The following OR2L13 variants were observed in gnomAD, a reference collection of about 807,000 sequenced individuals.
The protein encoded by OR2L13 is olfactory receptor 2L13.
A neutral mutation model predicts 15.3 loss-of-function variants in OR2L13; 14 were observed. The ratio of observed to expected loss-of-function variants is 0.91; its 90% CI spans 0.60 to 1.43. The LOEUF (loss-of-function observed/expected upper bound fraction) is 1.43, where lower values mean the gene tolerates loss of function less well. OR2L13 is among the 40% of genes most tolerant of loss of function. The pLI is 0.00. For missense variants in OR2L13, 367 were observed against 387.9 expected, an observed-to-expected ratio of 0.95 and a Z score of 0.45; for synonymous variants, 152 against 142.9, an observed-to-expected ratio of 1.06 and a Z score of -0.45.
At chr1:247,948,900 G>C in the OR2L13 span, 1 of 1,612,898 alleles carries the variant, frequency 6.2e-7, no homozygotes, top group Non-Finnish European at 8.5e-7. Context: ...CATCTTATTG[G>C]GGCTGTTTCC....
chr1:247,992,186 G>T, the OR2L13 span, among the ~76,000 whole-genome samples: 14 of 142,026 alleles, frequency 9.9e-5, 1 homozygote, highest in Non-Finnish European at 1.8e-4. Flanking sequence ...TAAATAAGTA[G>T]TAAATATGTT....
At chr1:248,061,377 G>C in the OR2L13 span, 1 of 1,614,068 alleles carries the variant, frequency 6.2e-7, no homozygotes, top group Non-Finnish European at 8.5e-7. Context: ...CTGCAGAAGG[G>C]AGGAAGAAAG....
At chr1:248,027,481 G>A in the OR2L13 span, among the ~76,000 whole-genome samples, 1 of 152,042 alleles carries the variant, frequency 6.6e-6, no homozygotes, top group Non-Finnish European at 1.5e-5. Flanking sequence ...TTTGAAAATC[G>A]CTAATAAAAA....
At chr1:248,069,348 C>A in the OR2L13 span, among the ~76,000 whole-genome samples, 4 of 152,086 alleles carry the variant, frequency 2.6e-5, no homozygotes, top group Non-Finnish European at 5.9e-5. Context: ...GAATTTTCCA[C>A]CCAGAATTTC....
At chr1:248,052,167 T>G in the OR2L13 span, among the ~76,000 whole-genome samples, 3 of 152,220 alleles carry the variant, frequency 2.0e-5, no homozygotes, top group African/African-American at 7.2e-5. Context: ...ATCTCTTGCA[T>G]TTAGGATTTT....
the OR2L13 span, among the ~76,000 whole-genome samples, chr1:247,947,651 A>G: frequency 2.0e-5 from 3 of 152,222 alleles, no homozygotes; most frequent in Non-Finnish European, 2.9e-5. Flanking sequence ...TCTGTAACAT[A>G]TTTGGTAAGG....
At chr1:247,958,338 T>G in the OR2L13 span, among the ~76,000 whole-genome samples, 1 of 152,224 alleles carries the variant, frequency 6.6e-6, no homozygotes, top group South Asian at 2.1e-4. Context: ...CTTTTAGATT[T>G]GCTGAGGAGT....
chr1:247,991,239 G>A, the OR2L13 span: 4 of 1,398,788 alleles, frequency 2.9e-6, no homozygotes, highest in Non-Finnish European at 3.0e-6. Context: ...AAAGCGCTAG[G>A]TTCATATCAA....
chr1:248,049,070 T>C, the OR2L13 span, among the ~76,000 whole-genome samples: 1 of 151,940 alleles, frequency 6.6e-6, no homozygotes, highest in Non-Finnish European at 1.5e-5. Context: ...ATATAGGGAG[T>C]AAAATCTGTG....
At chr1:248,045,377 C>G in the OR2L13 span, among the ~76,000 whole-genome samples, 1 of 152,194 alleles carries the variant, frequency 6.6e-6, no homozygotes, top group Non-Finnish European at 1.5e-5. Context: ...GGAGAAGTAG[C>G]GTATTTCAAG....
At chr1:248,052,728 C>A in the OR2L13 span, among the ~76,000 whole-genome samples, 2 of 151,544 alleles carry the variant, frequency 1.3e-5, no homozygotes, top group South Asian at 4.2e-4. Flanking sequence ...GAGACTCCAT[C>A]TCAAAAAGAA....
At chr1:247,995,529 G>T in the OR2L13 span, among the ~76,000 whole-genome samples, 10 of 152,148 alleles carry the variant, frequency 6.6e-5, no homozygotes, top group African/African-American at 2.4e-4. Flanking sequence ...AAAAATTTTT[G>T]TGTTTCAGTG....
At chr1:248,008,154 A>G in the OR2L13 span, among the ~76,000 whole-genome samples, 1 of 152,120 alleles carries the variant, frequency 6.6e-6, no homozygotes, top group Non-Finnish European at 1.5e-5. Context: ...AGCACTTACA[A>G]CCAGAGCCTG....
At chr1:248,054,869 A>G in the OR2L13 span, among the ~76,000 whole-genome samples, 2 of 152,064 alleles carry the variant, frequency 1.3e-5, no homozygotes, top group Non-Finnish European at 1.5e-5. Flanking sequence ...TCTAGATAGA[A>G]TCATATCATC....
the OR2L13 span, among the ~76,000 whole-genome samples, chr1:247,997,933 T>G: frequency 6.6e-6 from 1 of 152,282 alleles, no homozygotes; most frequent in African/African-American, 2.4e-5. Context: ...CTCTGATATC[T>G]CATGTGTAGG....
chr1:247,990,660 T>C, the OR2L13 span: 144 of 1,526,144 alleles, frequency 9.4e-5, 1 homozygote, highest in Non-Finnish European at 1.2e-4. Context: ...CTCTCCACTA[T>C]CCCATCCGTA....
At chr1:247,950,184 C>T in the OR2L13 span, among the ~76,000 whole-genome samples, 7 of 151,956 alleles carry the variant, frequency 4.6e-5, no homozygotes. Flanking sequence ...CCAAAAATCT[C>T]TTGACTTGGT....
the OR2L13 span, chr1:248,039,331 TTTTAA>T: frequency 1.2e-6 from 1 of 859,264 alleles, no homozygotes; most frequent in Non-Finnish European, 1.8e-6. Flanking sequence ...GAAATTTGTC[TTTTAA>T]TTTAGTCTTG....
At chr1:247,967,360 T>C in the OR2L13 span, among the ~76,000 whole-genome samples, 5 of 151,858 alleles carry the variant, frequency 3.3e-5, no homozygotes, top group East Asian at 5.8e-4. Flanking sequence ...TCCCAAATAG[T>C]TGAGATTACA....
Sources: gnomAD v4.1 joint callset for allele counts (sites outside exome capture counted in the v4.1 genomes callset) on GRCh38, gnomAD v4.1.1 for gene constraint, MANE v1.5 for transcripts, NCBI Gene and HGNC (gene_info 2026-07-23, HGNC 2026-07-21) for gene names.